Variants in VPS13C observed in about 807,000 individuals in gnomAD.
VPS13C encodes the protein vacuolar protein sorting 13 homolog C, also known as intermembrane lipid transfer protein VPS13C.
Under a neutral mutation model 456.8 loss-of-function variants are expected in VPS13C, and 358 were observed. That is an observed-to-expected ratio of 0.78 (90% confidence interval 0.72 to 0.86). The LOEUF (loss-of-function observed/expected upper bound fraction) is 0.86, where lower values mean the gene tolerates loss of function less well. Ranked by LOEUF, VPS13C falls within the 40% of genes least tolerant of loss-of-function variation. The pLI, the probability that VPS13C is intolerant of heterozygous loss-of-function variation, is 0.00. For synonymous variants in VPS13C, 1,578 were observed against 1,486.7 expected (o/e 1.06, Z -1.41); for missense variants, 4,818 against 4,385.4 (o/e 1.10, Z -2.79).
At chr15:61,893,197 G>C (rs925739015) in intron 66 of VPS13C, among the ~76,000 whole-genome samples, 2 of 152,076 alleles carry the variant, frequency 1.3e-5, no homozygotes, top group African/African-American at 4.8e-5. Flanking sequence ...AAACTCTCAA[G>C]GGCCTATGAC....
chr15:61,983,242 T>TCAACAAGGTGGGGCGAAC (rs1366507047), intron 20 of VPS13C, among the ~76,000 whole-genome samples: 8 of 152,188 alleles, frequency 5.3e-5, no homozygotes, highest in Non-Finnish European at 1.2e-4. Flanking sequence ...ATCAGGGATC[T>TCAACAAGGTGGGGCGAAC]CAACAAGGTG....
chr15:61,917,021 C>T (rs1446163204), intron 60 of VPS13C, among the ~76,000 whole-genome samples: 1 of 152,162 alleles, frequency 6.6e-6, no homozygotes, highest in Admixed American at 6.5e-5. Context: ...AGCTCCACCA[C>T]TTCCTAGCTA....
chr15:61,874,817 C>T (rs1267863199), intron 77 of VPS13C, 59 bp downstream of exon 77: 28 of 1,411,372 alleles, frequency 2.0e-5, no homozygotes, highest in South Asian at 1.2e-4. Flanking sequence ...TTCATAACAA[C>T]GTATTTCATA....
chr15:61,858,305 A>G lies in VPS13C; in HGVS notation c.10953-1896T>C, dbSNP rs1035932001. ...TCTCAGATCTCAACTCGAGATTTTTATCCAAACTCCAACTATCTATCTATC... is the reference window on the plus strand; with the variant it reads ...TCTCAGATCTCAACTCGAGATTTTTGTCCAAACTCCAACTATCTATCTATC... On this transcript the variant is annotated intron_variant, in intron 82 of 84. Coordinates refer to ENST00000644861, the MANE Select transcript of VPS13C (RefSeq NM_020821.3). This position sits in a 1 kb window ranked among gnomAD's most constrained non-coding sequence, Gnocchi z 4.4. Among the ~76,000 whole-genome samples the G allele has an allele frequency of 2.0e-5, 3 of 150,814 alleles. No homozygotes were observed. The Admixed American group carries it at 2.0e-4, about 10-fold the overall frequency.
At chr15:62,049,160 A>G (rs1277518614) in intron 1 of VPS13C, among the ~76,000 whole-genome samples, 3 of 152,134 alleles carry the variant, frequency 2.0e-5, no homozygotes, top group East Asian at 1.9e-4. Flanking sequence ...TTGGTGTTTT[A>G]GACATGAAGT....
At chr15:62,026,485 T>G (rs1488829767) in intron 6 of VPS13C, among the ~76,000 whole-genome samples, 3 of 152,108 alleles carry the variant, frequency 2.0e-5, no homozygotes, top group East Asian at 1.9e-4. Context: ...TCCAAAATTC[T>G]ACTCAAGAGC....
intron 77 of VPS13C, among the ~76,000 whole-genome samples, chr15:61,874,179 G>A (rs1895240766): frequency 6.6e-6 from 1 of 151,984 alleles, no homozygotes; most frequent in Non-Finnish European, 1.5e-5. Context: ...AGGCTGAGAT[G>A]GGTAGGGGGA....
chr15:62,015,529 A>G (rs1409797558), intron 9 of VPS13C, among the ~76,000 whole-genome samples: 3 of 150,014 alleles, frequency 2.0e-5, no homozygotes, highest in Non-Finnish European at 3.0e-5. Context: ...ACCAACCCAA[A>G]TGTCCAACAA....
At chr15:61,920,965 G>A (rs1001773856) in intron 55 of VPS13C, among the ~76,000 whole-genome samples, 3 of 152,028 alleles carry the variant, frequency 2.0e-5, no homozygotes, top group Non-Finnish European at 2.9e-5. Context: ...ATGTGTTGAC[G>A]AGCAATCTAA....
At position 62,041,328 on chromosome 15, in the gene VPS13C, T is replaced by G; in HGVS notation, c.183A>C (p.Gln61His). The G allele has an allele frequency of 1.2e-6, 2 of 1,606,706 alleles. No individual in the cohort carries two copies. Among genetic ancestry groups the G allele is most frequent in the East Asian group, 2.2e-5 (1 of 44,618 alleles). ...LDVPFKVKAG[Q>H]IDKLTLKIPW... is the part of the protein sequence containing the mutation. ...AATGAAGACTAAAGTACTTACCAAT[T>G]TGGCCAGCCTTGACTTTAAAAGGAA... The change falls in exon 3 of 85, where the codon CAA becomes CAC. Residue 61 changes from glutamine to histidine, a missense_variant. This residue lies in a region of VPS13C where 4,552 missense variants were observed against 4,130.6 expected (regional missense o/e 1.10). Coordinates refer to ENST00000644861, the MANE Select transcript of VPS13C (RefSeq NM_020821.3).
intron 22 of VPS13C, among the ~76,000 whole-genome samples, chr15:61,978,996 C>T (rs2045793165): frequency 6.6e-6 from 1 of 152,078 alleles, no homozygotes; most frequent in South Asian, 2.1e-4. Context: ...AGCTGTCTGC[C>T]TCGAATAACT....
At chr15:61,879,554 T>C (rs1895703910) in intron 73 of VPS13C, 1 of 152,094 alleles carries the variant, frequency 6.6e-6, no homozygotes, top group East Asian at 1.9e-4. Flanking sequence ...AAAATAATTG[T>C]TGTTCATAAT....
At chr15:62,014,392 C>CAAGG (rs2047154379) in intron 9 of VPS13C, among the ~76,000 whole-genome samples, 9 of 152,120 alleles carry the variant, frequency 5.9e-5, no homozygotes, top group Non-Finnish European at 1.5e-5. Flanking sequence ...CAAGTTTCTA[C>CAAGG]AAGGACAGCA....
chr15:62,018,062 T>C (rs2047321936), intron 9 of VPS13C, among the ~76,000 whole-genome samples: 1 of 152,094 alleles, frequency 6.6e-6, no homozygotes, highest in African/African-American at 2.4e-5. Context: ...TGAATGGGAG[T>C]TCACTCATGA....
rs750895150 is a variant in VPS13C, at chr15:61,882,755, T to G, written c.9484-19A>C. 6.3e-7 allele frequency: 1 copy of G among 1,577,776 alleles called. No individual in the cohort carries two copies. Among genetic ancestry groups the G allele is most frequent in the Non-Finnish European group, 8.6e-7 (1 of 1,165,074 alleles). On this transcript the variant is annotated intron_variant, in intron 68 of 84. Transcript: ENST00000644861. ...AATTGACCTAGAAAAAAAGCACATG[T>G]TTTTGTGATGAGCTGATATTAGCAC...
intron 1 of VPS13C, among the ~76,000 whole-genome samples, chr15:62,046,360 A>C (rs7163326): frequency 6.6e-6 from 1 of 151,958 alleles, no homozygotes; most frequent in African/African-American, 2.4e-5. Context: ...GAAGACTAGC[A>C]TGTTCAGCAA....
chr15:61,886,548 A>C (rs138576829), intron 67 of VPS13C, among the ~76,000 whole-genome samples: 1 of 152,138 alleles, frequency 6.6e-6, no homozygotes, highest in Non-Finnish European at 1.5e-5. Flanking sequence ...TGTGATTTGT[A>C]GTGCACTGAG....
chr15:61,854,447 A>C lies in VPS13C; in HGVS notation c.*10T>G. ...TTTTTTCTCCCTGTTGGAGCCCCTG[A>C]GGTCTGTGATTAAGATGGCAATTGG... On this transcript the variant is annotated 3_prime_UTR_variant, in exon 85 of 85. Coordinates refer to ENST00000644861, the MANE Select transcript of VPS13C (RefSeq NM_020821.3). 1 of 1,612,194 alleles carries C rather than the reference A, an allele frequency of 6.2e-7. No homozygotes were observed. Among genetic ancestry groups the C allele is most frequent in the South Asian group, 1.1e-5 (1 of 91,042 alleles).
At chr15:62,026,859 C>T (rs561884450) in intron 6 of VPS13C, among the ~76,000 whole-genome samples, 3 of 152,058 alleles carry the variant, frequency 2.0e-5, no homozygotes, top group Non-Finnish European at 4.4e-5. Context: ...ATTTTGCTTA[C>T]TGTGAGTGCA....
Sources: allele counts gnomAD v4.1 joint callset (sites outside exome capture counted in the v4.1 genomes callset), GRCh38; gene constraint gnomAD v4.1.1; regional missense constraint gnomAD v4.1.1; non-coding constraint Gnocchi (gnomAD v3.1); transcripts MANE v1.5; gene names NCBI Gene and HGNC (gene_info 2026-07-23, HGNC 2026-07-21).